Variants in DYNC1I1 observed in about 807,000 individuals in gnomAD.
DYNC1I1 encodes cytoplasmic dynein 1 intermediate chain 1.
Under a neutral mutation model 86.6 loss-of-function variants are expected in DYNC1I1, and 43 were observed. That is an observed-to-expected ratio of 0.50 (90% CI 0.39 to 0.64). The LOEUF is 0.64. Ranked by LOEUF, DYNC1I1 falls within the 30% of genes least tolerant of loss-of-function variation. DYNC1I1 has a pLI of 0.00. For missense variants in DYNC1I1, 604 were observed against 788.8 expected, an observed-to-expected ratio of 0.77 and a Z score of 2.81; for synonymous variants, 262 against 283.7, an observed-to-expected ratio of 0.92 and a Z score of 0.77.
At chr7:95,947,045 C>T (rs1372881000) in intron 6 of DYNC1I1, among the ~76,000 whole-genome samples, 1 of 152,092 alleles carries the variant, frequency 6.6e-6, no homozygotes. Flanking sequence ...ATGCAAAAGC[C>T]CTGGTACAGG....
At chr7:96,004,391 G>A (rs549415632) in intron 10 of DYNC1I1, among the ~76,000 whole-genome samples, 1 of 151,818 alleles carries the variant, frequency 6.6e-6, no homozygotes, top group Admixed American at 6.6e-5. Flanking sequence ...ACTGTTTTTT[G>A]TTCTCTAAAG....
At chr7:96,023,644 T>C (rs1794607229) in intron 10 of DYNC1I1, among the ~76,000 whole-genome samples, 1 of 152,072 alleles carries the variant, frequency 6.6e-6, no homozygotes, top group African/African-American at 2.4e-5. Context: ...GAATTCCCTG[T>C]GAATGGTGTA....
At chr7:96,007,329 T>A (rs1472913641) in intron 10 of DYNC1I1, among the ~76,000 whole-genome samples, 1 of 152,234 alleles carries the variant, frequency 6.6e-6, no homozygotes, top group Non-Finnish European at 1.5e-5. Flanking sequence ...TGGATACTTA[T>A]CCTGAGGGAT....
intron 14 of DYNC1I1, among the ~76,000 whole-genome samples, chr7:96,060,423 T>C (rs1490899712): frequency 6.6e-6 from 1 of 152,104 alleles, no homozygotes; most frequent in Non-Finnish European, 1.5e-5. Flanking sequence ...ATGTTTCCAT[T>C]AGAGAACTCA....
At chr7:95,782,303 A>T (rs962200077) in intron 1 of DYNC1I1, among the ~76,000 whole-genome samples, 20 of 152,362 alleles carry the variant, frequency 1.3e-4, no homozygotes, top group Non-Finnish European at 1.6e-4. Context: ...AAGGACTTCC[A>T]TGAAGTCTGC....
At chr7:95,832,202 AGT>A (rs1413180937) in intron 5 of DYNC1I1, among the ~76,000 whole-genome samples, 2 of 113,164 alleles carry the variant, frequency 1.8e-5, no homozygotes, top group South Asian at 6.0e-4. Flanking sequence ...CCCACCTATG[AGT>A]GAGAATATGT....
intron 6 of DYNC1I1, among the ~76,000 whole-genome samples, chr7:95,877,005 G>A (rs906662802): frequency 3.6e-4 from 55 of 152,264 alleles, no homozygotes; most frequent in African/African-American, 1.2e-3. Context: ...GTAAAAACAG[G>A]AAGATTCTAT....
intron 6 of DYNC1I1, among the ~76,000 whole-genome samples, chr7:95,940,897 T>C (rs1792193836): frequency 6.6e-6 from 1 of 152,248 alleles, no homozygotes; most frequent in Admixed American, 6.5e-5. Flanking sequence ...TTTCCAGTTT[T>C]TCTGCTCTGT....
intron 6 of DYNC1I1, among the ~76,000 whole-genome samples, chr7:95,961,622 T>C (rs1179577915): frequency 2.0e-5 from 3 of 152,192 alleles, no homozygotes; most frequent in Admixed American, 2.0e-4. Flanking sequence ...GGAGGTAATA[T>C]TTTGAAACCT....
chr7:95,884,003 G>C (rs990116126), intron 6 of DYNC1I1, among the ~76,000 whole-genome samples: 1 of 152,046 alleles, frequency 6.6e-6, no homozygotes, highest in Admixed American at 6.5e-5. Flanking sequence ...TTTATAGAGG[G>C]AGTCAATGAA....
chr7:95,862,704 A>G (rs970388445), intron 5 of DYNC1I1, among the ~76,000 whole-genome samples: 1 of 152,154 alleles, frequency 6.6e-6, no homozygotes, highest in African/African-American at 2.4e-5. Context: ...CCACTCCTAG[A>G]TATGTATTCA....
chr7:96,006,408 G>C (rs914648899), intron 10 of DYNC1I1, among the ~76,000 whole-genome samples: 2 of 152,096 alleles, frequency 1.3e-5, no homozygotes, highest in African/African-American at 2.4e-5. Flanking sequence ...CACTCCTCAT[G>C]ATGACCCTTA....
chr7:96,106,341 C>T (rs1428533091), intron 16 of DYNC1I1, among the ~76,000 whole-genome samples: 1 of 152,064 alleles, frequency 6.6e-6, no homozygotes, highest in African/African-American at 2.4e-5. Flanking sequence ...TGAGAGCAAC[C>T]TGACCAACAT....
At chr7:95,862,277 A>G (rs1020352427) in intron 5 of DYNC1I1, among the ~76,000 whole-genome samples, 13 of 152,206 alleles carry the variant, frequency 8.5e-5, no homozygotes, top group Admixed American at 3.3e-4. Flanking sequence ...CACAGAATGG[A>G]TGAAAATATT....
At chr7:96,024,375 G>C (rs1794626475) in intron 10 of DYNC1I1, among the ~76,000 whole-genome samples, 1 of 152,144 alleles carries the variant, frequency 6.6e-6, no homozygotes, top group Non-Finnish European at 1.5e-5. Context: ...GAGATTACAG[G>C]TGTGAGCCTC....
intron 6 of DYNC1I1, among the ~76,000 whole-genome samples, chr7:95,908,781 G>A (rs1791243467): frequency 1.3e-5 from 2 of 152,178 alleles, no homozygotes; most frequent in Admixed American, 6.5e-5. Flanking sequence ...TGCTCGGCAG[G>A]GCATCCCCAG....
chr7:96,007,958 G>T (rs540247538), intron 10 of DYNC1I1, among the ~76,000 whole-genome samples: 1 of 152,280 alleles, frequency 6.6e-6, no homozygotes, highest in South Asian at 2.1e-4. Context: ...TACCACCTGT[G>T]TTCCTACGGT....
chr7:95,919,225 C>T (rs939821530), intron 6 of DYNC1I1, among the ~76,000 whole-genome samples: 29 of 152,170 alleles, frequency 1.9e-4, no homozygotes, highest in African/African-American at 6.3e-4. Flanking sequence ...CACTATCCCC[C>T]TCACAAAAAT....
intron 6 of DYNC1I1, among the ~76,000 whole-genome samples, chr7:95,901,000 G>C (rs1419966223): frequency 1.3e-5 from 2 of 152,146 alleles, no homozygotes; most frequent in Non-Finnish European, 2.9e-5. Flanking sequence ...GGATATAGAG[G>C]AGGAAGAAAA....
Sources: allele counts gnomAD v4.1 joint callset (sites outside exome capture counted in the v4.1 genomes callset), GRCh38; gene constraint gnomAD v4.1.1; transcripts MANE v1.5; gene names NCBI Gene and HGNC (gene_info 2026-07-23, HGNC 2026-07-21).